The following CCDC141 variants were observed in gnomAD, a reference collection of about 807,000 sequenced individuals.
CCDC141 encodes the protein coiled-coil domain-containing protein 141.
Under a neutral mutation model 181.0 loss-of-function variants are expected in CCDC141, and 168 were observed. The ratio of observed to expected loss-of-function variants is 0.93; its 90% confidence interval spans 0.82 to 1.05. CCDC141 has a LOEUF of 1.05. Ranked by LOEUF, CCDC141 falls within the 50% of genes least tolerant of loss-of-function variation. The probability of loss-of-function intolerance (pLI) is 0.00; values close to 1 mark genes in which losing one functional copy is unlikely to be tolerated. For missense variants in CCDC141, 1,902 were observed against 1,788.5 expected, an observed-to-expected ratio of 1.06 and a Z score of -1.14; for synonymous variants, 666 against 642.3, an observed-to-expected ratio of 1.04 and a Z score of -0.56.
chr2:178,990,639 T>A (rs1692010516), intron 2 of CCDC141, among the ~76,000 whole-genome samples: 1 of 148,870 alleles, frequency 6.7e-6, no homozygotes, highest in Non-Finnish European at 1.5e-5. Context: ...GGAAGGGAAG[T>A]GAGACCAATA....
In CCDC141 at chr2:178,935,940, GTTGT is replaced by G. The variant is rs542992476; in HGVS notation, c.897+8591_897+8594del. ...TGTCCTTTATCCACTTTTTAATGGA[GTTGT>G]TTGTTTTTCTCTTGTACATTTGTTT... is the stretch of plus-strand genomic sequence containing the variant. On this transcript the variant is annotated intron_variant, in intron 6 of 23. Coordinates refer to ENST00000443758, the MANE Select transcript of CCDC141 (RefSeq NM_173648.4). Among the ~76,000 whole-genome samples, 436 of 151,992 alleles carry G rather than the reference GTTGT, an allele frequency of 2.9e-3. 5 individuals are homozygous for G. Among genetic ancestry groups the G allele is most frequent in the South Asian group, 0.023 (112 of 4,802 alleles).
chr2:178,980,833 T>TAGGTGTATA (rs1559023843), intron 2 of CCDC141, among the ~76,000 whole-genome samples: 2 of 152,242 alleles, frequency 1.3e-5, no homozygotes, highest in African/African-American at 4.8e-5. Flanking sequence ...TTGTACAACT[T>TAGGTGTATA]AGGTGTATAC....
intron 2 of CCDC141, among the ~76,000 whole-genome samples, chr2:178,981,382 A>C (rs1012252498): frequency 8.1e-6 from 1 of 123,316 alleles, no homozygotes; most frequent in Non-Finnish European, 1.7e-5. Flanking sequence ...TAAAAACAGA[A>C]ATCATACGAA....
At chr2:178,948,361 T>C (rs947654129) in intron 5 of CCDC141, among the ~76,000 whole-genome samples, 2 of 152,202 alleles carry the variant, frequency 1.3e-5, no homozygotes, top group Non-Finnish European at 2.9e-5. Flanking sequence ...TAAAATCACA[T>C]CAGTAGGTTG....
At position 178,902,099 on chromosome 2, in the gene CCDC141, T is replaced by C. The variant is rs1398066510; in HGVS notation, c.1265+3230A>G. 6.6e-5 allele frequency among the ~76,000 whole-genome samples: 10 copies of C among 152,168 alleles called. No individual in the cohort carries two copies. The East Asian group carries it at 1.9e-3, about 29-fold the overall frequency. ...AACTACAAACCACTGCTCAATGAAATAAAAGAGTATACAAACAAATGGAAG... is the reference window on the plus strand; with the variant it reads ...AACTACAAACCACTGCTCAATGAAACAAAAGAGTATACAAACAAATGGAAG... On this transcript the variant is annotated intron_variant, in intron 8 of 23. Coordinates refer to ENST00000443758, the MANE Select transcript of CCDC141 (RefSeq NM_173648.4).
intron 2 of CCDC141, among the ~76,000 whole-genome samples, chr2:179,031,977 T>C (rs1486143699): frequency 3.3e-5 from 5 of 152,054 alleles, no homozygotes; most frequent in Non-Finnish European, 1.5e-5. Flanking sequence ...ACTGACAGAG[T>C]AGTTAAACTT....
intron 2 of CCDC141, among the ~76,000 whole-genome samples, chr2:179,007,813 G>A (rs1382240712): frequency 6.6e-6 from 1 of 152,158 alleles, no homozygotes; most frequent in Non-Finnish European, 1.5e-5. Flanking sequence ...TGACTGTCAA[G>A]TTTGGCTTCA....
chr2:178,901,667 A>C (rs950769879), intron 8 of CCDC141, among the ~76,000 whole-genome samples: 7 of 151,560 alleles, frequency 4.6e-5, no homozygotes, highest in African/African-American at 1.7e-4. Flanking sequence ...ATGGGCAAAA[A>C]CTGGAAGCAT....
intron 2 of CCDC141, among the ~76,000 whole-genome samples, chr2:179,031,158 A>G (rs961608840): frequency 2.6e-5 from 4 of 151,780 alleles, no homozygotes; most frequent in Non-Finnish European, 4.4e-5. Context: ...GATAATATTT[A>G]TATATATTGG....
At chr2:178,889,250 G>A (rs1000352364) in intron 8 of CCDC141, among the ~76,000 whole-genome samples, 3 of 150,878 alleles carry the variant, frequency 2.0e-5, no homozygotes, top group South Asian at 2.1e-4. Flanking sequence ...TCATTTTTTC[G>A]CCTGTGTTGG....
chr2:178,859,907 C>CT (rs1685530404), intron 17 of CCDC141, among the ~76,000 whole-genome samples: 1 of 152,160 alleles, frequency 6.6e-6, no homozygotes, highest in South Asian at 2.1e-4. Flanking sequence ...CTTGACGAAG[C>CT]TGGTTGAGCC....
At chr2:178,981,035 A>G (rs1248465301) in intron 2 of CCDC141, among the ~76,000 whole-genome samples, 3 of 152,218 alleles carry the variant, frequency 2.0e-5, no homozygotes, top group African/African-American at 4.8e-5. Flanking sequence ...AAAGGAGTCA[A>G]TCTACAAGAA....
At chr2:178,849,607 A>G (rs913816859) in intron 21 of CCDC141, among the ~76,000 whole-genome samples, 2 of 152,232 alleles carry the variant, frequency 1.3e-5, no homozygotes, top group African/African-American at 4.8e-5. Context: ...TGATTAGTTT[A>G]CTATTTCCAT....
chr2:178,833,762 A>AAC lies in CCDC141; in HGVS notation c.*410_*411insGT, dbSNP rs1684356330. The AAC allele has an allele frequency of 6.1e-6, 1 of 163,402 alleles. No individual in the cohort carries two copies. The highest frequency in any genetic ancestry group is 2.4e-5 in the African/African-American group (1 of 41,614). The allele number at this position is 163,402 out of a possible 1,614,324, so 10.1% of individuals were successfully genotyped here. On this transcript the variant is annotated 3_prime_UTR_variant, in exon 24 of 24. Transcript: ENST00000443758. ...CAACATCAATTCAATAGTTCTACTG[A>AAC]TATTCCCTACAAAGGGATGTTTTAA...
intron 8 of CCDC141, among the ~76,000 whole-genome samples, chr2:178,898,758 C>T (rs567206530): frequency 1.3e-5 from 2 of 152,174 alleles, no homozygotes; most frequent in Admixed American, 6.5e-5. Context: ...CTCAGATTTA[C>T]TAAGGAGGCT....
chr2:178,930,327 A>G, intron 6 of CCDC141, among the ~76,000 whole-genome samples: 1 of 152,134 alleles, frequency 6.6e-6, no homozygotes, highest in East Asian at 1.9e-4. Flanking sequence ...AAATGGCAAG[A>G]TATCACATGA....
At chr2:178,930,205 T>G (rs561895596) in intron 6 of CCDC141, among the ~76,000 whole-genome samples, 1 of 152,072 alleles carries the variant, frequency 6.6e-6, no homozygotes, top group African/African-American at 2.4e-5. Flanking sequence ...AATGATTTCA[T>G]TCATGGTAGC....
chr2:178,971,979 C>T (rs1388087539), intron 4 of CCDC141, among the ~76,000 whole-genome samples: 3 of 151,786 alleles, frequency 2.0e-5, no homozygotes, highest in Non-Finnish European at 4.4e-5. Flanking sequence ...ATGTAAGTGA[C>T]GGGTTGATGG....
At chr2:178,993,774 T>C (rs1559035050) in intron 2 of CCDC141, among the ~76,000 whole-genome samples, 1 of 152,192 alleles carries the variant, frequency 6.6e-6, no homozygotes, top group East Asian at 1.9e-4. Flanking sequence ...AATTACTTCC[T>C]AGATACAATG....
Sources: allele counts gnomAD v4.1 joint callset (sites outside exome capture counted in the v4.1 genomes callset), GRCh38; gene constraint gnomAD v4.1.1; transcripts MANE v1.5; gene names NCBI Gene and HGNC (gene_info 2026-07-23, HGNC 2026-07-21).